The following LRRC4C variants were observed in gnomAD, a reference collection of about 807,000 sequenced individuals.
LRRC4C encodes the protein leucine-rich repeat-containing protein 4C.
In LRRC4C, 5 loss-of-function variants were observed where a neutral mutation model predicts 33.6. The observed-to-expected ratio is 0.15, with a 90% confidence interval of 0.08 to 0.31. The LOEUF (loss-of-function observed/expected upper bound fraction) is 0.31, where lower values mean the gene tolerates loss of function less well. LRRC4C is among the 10% of genes least tolerant of loss of function. The pLI is 1.00. For synonymous variants in LRRC4C, 329 were observed against 302.0 expected (o/e 1.09, Z -0.93); for missense variants, 560 against 796.7 (o/e 0.70, Z 3.58).
intron 1 of LRRC4C, among the ~76,000 whole-genome samples, chr11:41,013,486 G>A (rs1413255401): frequency 6.6e-6 from 1 of 152,098 alleles, no homozygotes. Flanking sequence ...TGAGGCTAGC[G>A]CTGACGTATG....
intron 2 of LRRC4C, among the ~76,000 whole-genome samples, chr11:40,809,598 C>A (rs1358420667): frequency 6.6e-6 from 1 of 151,996 alleles, no homozygotes; most frequent in East Asian, 1.9e-4. Context: ...CCCTCCTCCA[C>A]ACAGAAAAAA....
chr11:41,436,723 T>C lies in LRRC4C; in HGVS notation c.-496+22708A>G, dbSNP rs181656248. ...AATTCAGGTTATACAATGCCACTTC[T>C]CTAAATCATTTTGCCTTGCAGACCA... On this transcript the variant is annotated intron_variant, in intron 1 of 6. Transcript: ENST00000528697. Among the ~76,000 whole-genome samples, 93 of 152,318 alleles carry C rather than the reference T, an allele frequency of 6.1e-4. 1 individual carries two copies. The highest frequency in any genetic ancestry group is 3.4e-3 in the Middle Eastern group (1 of 294).
At chr11:40,544,400 T>C (rs142578662) in intron 3 of LRRC4C, among the ~76,000 whole-genome samples, 298 of 152,192 alleles carry the variant, frequency 2.0e-3, no homozygotes, top group African/African-American at 6.9e-3. Flanking sequence ...TTTACCTTCC[T>C]GCCACAGGCT....
chr11:40,283,615 C>G (rs1246071389), intron 4 of LRRC4C, among the ~76,000 whole-genome samples: 2 of 151,648 alleles, frequency 1.3e-5, no homozygotes, highest in Admixed American at 6.6e-5. Flanking sequence ...TAGTTCTCCC[C>G]AGATACACTG....
Position 40,262,243 on chromosome 11 carries a change from G to A in LRRC4C, c.-175-20645C>T, listed in dbSNP as rs182286499. ...ACATGAAAAAAAAGTTCATCATCAC[G>A]GGTCATTAGAGAAACGCAAATCAAA... is the stretch of plus-strand genomic sequence containing the variant. On this transcript the variant is annotated intron_variant, in intron 4 of 6. Transcript: ENST00000528697. 5.5e-3 allele frequency among the ~76,000 whole-genome samples: 842 copies of A among 152,124 alleles called. 5 individuals are homozygous for A. The highest frequency in any genetic ancestry group is 0.02 in the African/African-American group (812 of 41,494).
chr11:41,266,941 A>T (rs1296362593), intron 1 of LRRC4C, among the ~76,000 whole-genome samples: 2 of 152,148 alleles, frequency 1.3e-5, no homozygotes, highest in Non-Finnish European at 2.9e-5. Context: ...GTGAATTACC[A>T]ATTCTGCACA....
intron 2 of LRRC4C, among the ~76,000 whole-genome samples, chr11:40,751,010 C>A (rs1591626404): frequency 6.6e-6 from 1 of 151,352 alleles, no homozygotes; most frequent in Middle Eastern, 3.4e-3. Flanking sequence ...GAATGAAGGA[C>A]AAAAACCAGT....
intron 4 of LRRC4C, among the ~76,000 whole-genome samples, chr11:40,260,976 G>T (rs949111136): frequency 6.6e-6 from 1 of 152,160 alleles, no homozygotes; most frequent in South Asian, 2.1e-4. Flanking sequence ...GAACTTCTGG[G>T]CTCAAGTAAT....
At chr11:41,416,759 A>C (rs910152468) in intron 1 of LRRC4C, among the ~76,000 whole-genome samples, 5 of 152,030 alleles carry the variant, frequency 3.3e-5, no homozygotes, top group African/African-American at 1.2e-4. Flanking sequence ...AAATATTATA[A>C]TATCTACCTA....
At chr11:40,320,330 C>A (rs1229906775) in intron 3 of LRRC4C, among the ~76,000 whole-genome samples, 1 of 151,914 alleles carries the variant, frequency 6.6e-6, no homozygotes, top group Non-Finnish European at 1.5e-5. Flanking sequence ...ACGGTGAAAC[C>A]CCATTTCCAC....
chr11:41,230,638 T>C (rs1947745112), intron 1 of LRRC4C, among the ~76,000 whole-genome samples: 1 of 152,012 alleles, frequency 6.6e-6, no homozygotes, highest in South Asian at 2.1e-4. Flanking sequence ...GGTGTTTTCC[T>C]TCTCTTTCTA....
At chr11:40,956,966 C>T (rs1220222470) in intron 1 of LRRC4C, among the ~76,000 whole-genome samples, 3 of 151,712 alleles carry the variant, frequency 2.0e-5, no homozygotes, top group Admixed American at 2.0e-4. Context: ...ATAAAGGGAA[C>T]TCAGAGGCAA....
intron 3 of LRRC4C, among the ~76,000 whole-genome samples, chr11:40,397,326 A>G (rs922872012): frequency 6.6e-6 from 1 of 152,146 alleles, no homozygotes; most frequent in South Asian, 2.1e-4. Flanking sequence ...AGCAAAACAT[A>G]TGGCATGATT....
intron 2 of LRRC4C, among the ~76,000 whole-genome samples, chr11:40,884,321 C>A (rs2136049528): frequency 6.6e-6 from 1 of 152,130 alleles, no homozygotes; most frequent in South Asian, 2.1e-4. Flanking sequence ...CATTGATGGG[C>A]ATTTGGGTTG....
chr11:40,283,954 T>C (rs1943662894), intron 4 of LRRC4C, among the ~76,000 whole-genome samples: 1 of 152,050 alleles, frequency 6.6e-6, no homozygotes, highest in South Asian at 2.1e-4. Flanking sequence ...CCACCCGTCT[T>C]AGCCTCCCAA....
chr11:41,026,787 T>A (rs1376788049), intron 1 of LRRC4C, among the ~76,000 whole-genome samples: 1 of 82,838 alleles, frequency 1.2e-5, no homozygotes, highest in Non-Finnish European at 2.8e-5. Context: ...ATGGTCAGCA[T>A]TTTTTACCAA....
chr11:41,435,163 A>C (rs1452706453), intron 1 of LRRC4C, among the ~76,000 whole-genome samples: 1 of 152,296 alleles, frequency 6.6e-6, no homozygotes, highest in South Asian at 2.1e-4. Context: ...ACAATCACTA[A>C]GAGTAATACA....
rs1565237562 is a variant in LRRC4C, at chr11:40,291,738, A to G, written c.-176+27890T>C. Among the ~76,000 whole-genome samples the G allele has an allele frequency of 2.0e-5, 3 of 152,092 alleles. 1 individual carries two copies. The highest frequency in any genetic ancestry group is 2.0e-4 in the Admixed American group (3 of 15,262). ...CCCTTCATCGCCTTGGTTTATTGTC[A>G]TATTTTTGTGTTAATACATTCTGTT... On this transcript the variant is annotated intron_variant, in intron 4 of 6. Coordinates refer to ENST00000528697, the MANE Select transcript of LRRC4C (RefSeq NM_001258419.2).
intron 2 of LRRC4C, among the ~76,000 whole-genome samples, chr11:40,809,300 T>C (rs1951383397): frequency 6.6e-6 from 1 of 152,212 alleles, no homozygotes; most frequent in Non-Finnish European, 1.5e-5. Context: ...TGACACGTTC[T>C]CTGTCTCCTA....
Sources: gnomAD v4.1 joint callset for allele counts (sites outside exome capture counted in the v4.1 genomes callset) on GRCh38, gnomAD v4.1.1 for gene constraint, MANE v1.5 for transcripts, NCBI Gene and HGNC (gene_info 2026-07-23, HGNC 2026-07-21) for gene names.